Variants in ENPP3 observed in about 807,000 individuals in gnomAD.
ENPP3 encodes the protein ectonucleotide pyrophosphatase/phosphodiesterase 3.
Under a neutral mutation model 117.8 loss-of-function variants are expected in ENPP3, and 104 were observed. The observed-to-expected ratio is 0.88, with a 90% CI of 0.75 to 1.04. The LOEUF (loss-of-function observed/expected upper bound fraction) is 1.04, where lower values mean the gene tolerates loss of function less well. Ranked by LOEUF, ENPP3 falls within the 50% of genes least tolerant of loss-of-function variation. The probability of loss-of-function intolerance (pLI) is 0.00; values close to 1 mark genes in which losing one functional copy is unlikely to be tolerated. For missense variants in ENPP3, 1,026 were observed against 1,051.9 expected (o/e 0.98, Z 0.34); for synonymous variants, 380 against 349.9 (o/e 1.09, Z -0.96).
chr6:131,651,898 C>A (rs1002281966), intron 3 of ENPP3, among the ~76,000 whole-genome samples: 4 of 152,186 alleles, frequency 2.6e-5, no homozygotes, highest in Non-Finnish European at 5.9e-5. Flanking sequence ...GAATGTTTGT[C>A]TAAGCACAAG....
At position 131,652,674 on chromosome 6, in the gene ENPP3, A is replaced by G; in HGVS notation, c.403+7A>G. On this transcript the variant is annotated splice_region_variant and intron_variant, in intron 4 of 24. Coordinates refer to ENST00000357639, the MANE Select transcript of ENPP3 (RefSeq NM_005021.5). ...TATAAGAGTGTTTGCCAAGGTGAGC[A>G]GGAGGATGTTGACTCATTTGCCCCT... 1 of 1,614,024 alleles carries G rather than the reference A, an allele frequency of 6.2e-7. No individual in the cohort carries two copies.
At chr6:131,656,626 G>C (rs1354833479) in intron 5 of ENPP3, among the ~76,000 whole-genome samples, 2 of 152,086 alleles carry the variant, frequency 1.3e-5, no homozygotes, top group Non-Finnish European at 2.9e-5. Flanking sequence ...AATTAGCCGG[G>C]TGTGGTGGCA....
At chr6:131,640,924 A>G (rs375613322) in intron 1 of ENPP3, among the ~76,000 whole-genome samples, 49 of 152,222 alleles carry the variant, frequency 3.2e-4, no homozygotes, top group African/African-American at 1.1e-3. Context: ...AGTGGTTTGT[A>G]TGAGTGGAAG....
chr6:131,724,226 TA>T (rs397941468), intron 19 of ENPP3, 135 bp downstream of exon 19: 52,253 of 387,638 alleles, frequency 0.13, 29 homozygotes, highest in South Asian at 0.17. Flanking sequence ...ATACAAAAGG[TA>T]AAAAAAAAAA....
intron 15 of ENPP3, among the ~76,000 whole-genome samples, chr6:131,696,010 T>C (rs73779860): frequency 0.01 from 1,551 of 152,322 alleles, 22 homozygotes; most frequent in African/African-American, 0.032. Flanking sequence ...CTAGTGAAAG[T>C]ACATCATTTT....
At chr6:131,706,397 C>CT (rs1779638283) in intron 15 of ENPP3, among the ~76,000 whole-genome samples, 1 of 140,880 alleles carries the variant, frequency 7.1e-6, no homozygotes, top group Admixed American at 7.2e-5. Context: ...CAGTCTCAGG[C>CT]AAGTCCATCA....
chr6:131,663,326 C>T (rs1484923387), intron 6 of ENPP3, among the ~76,000 whole-genome samples: 1 of 151,552 alleles, frequency 6.6e-6, no homozygotes, highest in Non-Finnish European at 1.5e-5. Flanking sequence ...TGCCACATAA[C>T]AACATTTCAA....
intron 17 of ENPP3, among the ~76,000 whole-genome samples, chr6:131,721,056 G>T (rs1780008578): frequency 6.6e-6 from 1 of 151,994 alleles, no homozygotes; most frequent in Non-Finnish European, 1.5e-5. Context: ...AAGCTCTCTG[G>T]CATAAAAACA....
intron 2 of ENPP3, among the ~76,000 whole-genome samples, chr6:131,643,923 CTG>C (rs754599772): frequency 8.4e-5 from 12 of 142,148 alleles, no homozygotes; most frequent in Non-Finnish European, 1.2e-4. Flanking sequence ...TCAGGGTCGT[CTG>C]TGTGTGTGTG....
chr6:131,731,483 T>A (rs1388636111), intron 20 of ENPP3, among the ~76,000 whole-genome samples: 1 of 152,232 alleles, frequency 6.6e-6, no homozygotes, highest in Non-Finnish European at 1.5e-5. Context: ...ATCTTATCAT[T>A]CAGCAATAGA....
intron 23 of ENPP3, among the ~76,000 whole-genome samples, chr6:131,739,837 G>A (rs1278949326): frequency 6.6e-6 from 1 of 151,356 alleles, no homozygotes; most frequent in Admixed American, 6.6e-5. Flanking sequence ...TTGAGAGGCC[G>A]AGGTGGGAGG....
At chr6:131,716,863 C>T (rs544088212) in intron 15 of ENPP3, among the ~76,000 whole-genome samples, 1 of 150,196 alleles carries the variant, frequency 6.7e-6, no homozygotes, top group South Asian at 2.1e-4. Context: ...CCCAGCTACT[C>T]GGGAGGCTGA....
chr6:131,732,925 C>T (rs1780317735), intron 20 of ENPP3, among the ~76,000 whole-genome samples: 1 of 147,996 alleles, frequency 6.8e-6, no homozygotes, highest in African/African-American at 2.6e-5. Flanking sequence ...AGACGGGGTT[C>T]ACCATGTTGG....
chr6:131,732,303 A>G (rs940877023), intron 20 of ENPP3, among the ~76,000 whole-genome samples: 1 of 152,234 alleles, frequency 6.6e-6, no homozygotes, highest in African/African-American at 2.4e-5. Context: ...TCAAAATATG[A>G]TGACCACATA....
intron 21 of ENPP3, among the ~76,000 whole-genome samples, chr6:131,736,569 T>C (rs1395131038): frequency 6.6e-6 from 1 of 152,074 alleles, no homozygotes; most frequent in Admixed American, 6.5e-5. Context: ...GTGGGAATTA[T>C]AGGAGCTACA....
chr6:131,736,006 G>C (rs777707849), intron 21 of ENPP3, among the ~76,000 whole-genome samples: 3 of 152,182 alleles, frequency 2.0e-5, no homozygotes, highest in Admixed American at 2.0e-4. Context: ...AAATGAAAAA[G>C]GATTTGAATA....
rs148113986 is a variant in ENPP3, at chr6:131,652,170, G to A, written c.278-372G>A. Among the ~76,000 whole-genome samples, 285 of 152,294 alleles carry A rather than the reference G, an allele frequency of 1.9e-3. 1 individual carries two copies. The highest frequency in any genetic ancestry group is 5.9e-3 in the African/African-American group (247 of 41,574). ...CTGTTGTCACCTTTTCTTCCTTGCT[G>A]CTTGTCCTTAGACAAGGCTGGGCAA... On this transcript the variant is annotated intron_variant, in intron 3 of 24. Transcript: ENST00000357639.
rs748985762 is a variant in ENPP3, at chr6:131,746,972, T to A, written c.*16T>A. ...CACTATTTAACTTAATAATGTCTAC[T>A]TAATATATAATTTACTGTATAAAGT... On this transcript the variant is annotated 3_prime_UTR_variant, in exon 25 of 25. Coordinates refer to ENST00000357639, the MANE Select transcript of ENPP3 (RefSeq NM_005021.5). The A allele has an allele frequency of 6.9e-7, 1 of 1,440,322 alleles. No individual in the cohort carries two copies. The highest frequency in any genetic ancestry group is 1.3e-5 in the South Asian group (1 of 78,324). 89.2% of individuals were successfully genotyped at this position (1,440,322 alleles called of 1,614,324 possible). A position where few individuals can be genotyped will look rare whatever the true frequency, so the allele number is the denominator to read the frequency against.
chr6:131,710,952 A>C lies in ENPP3; in HGVS notation c.1413-7720A>C, dbSNP rs767147942. ...TCATACTCTCAGGTAGTGCTGCCAC[A>C]ACTCTGCCTAGCTCCTCCAGGACCA... On this transcript the variant is annotated intron_variant, in intron 15 of 24. Coordinates refer to ENST00000357639, the MANE Select transcript of ENPP3 (RefSeq NM_005021.5). 119 of 1,554,070 alleles carry C rather than the reference A, an allele frequency of 7.7e-5. 28 individuals carry two copies. In the East Asian group the frequency reaches 3.0e-3, roughly 39 times the overall value.
Sources: gnomAD v4.1 joint callset for allele counts (sites outside exome capture counted in the v4.1 genomes callset) on GRCh38, gnomAD v4.1.1 for gene constraint, MANE v1.5 for transcripts, NCBI Gene and HGNC (gene_info 2026-07-23, HGNC 2026-07-21) for gene names.